EYS: variants seen among roughly 807,000 people sequenced by gnomAD.
EYS encodes EGF-like photoreceptor maintenance factor.
Under a neutral mutation model 282.1 loss-of-function variants are expected in EYS, and 250 were observed. The observed-to-expected ratio is 0.89, with a 90% CI of 0.80 to 0.98. The LOEUF is 0.98. EYS is among the 50% of genes least tolerant of loss of function. EYS has a pLI of 0.00. For missense variants in EYS, 4,016 were observed against 3,709.0 expected (o/e 1.08, Z -2.15); for synonymous variants, 1,355 against 1,282.9 (o/e 1.06, Z -1.20).
intron 22 of EYS, among the ~76,000 whole-genome samples, chr6:64,745,010 G>A (rs1437644306): frequency 6.6e-6 from 1 of 152,072 alleles, no homozygotes; most frequent in Non-Finnish European, 1.5e-5. Context: ...CTCATAAGCA[G>A]CATGAGGGGA....
chr6:64,692,261 T>C (rs1249937099), intron 22 of EYS, among the ~76,000 whole-genome samples: 1 of 152,200 alleles, frequency 6.6e-6, no homozygotes, highest in Non-Finnish European at 1.5e-5. Flanking sequence ...ATGCTAAGCA[T>C]TTTATCTTAT....
At chr6:65,521,262 G>A (rs1257602280) in intron 2 of EYS, among the ~76,000 whole-genome samples, 1 of 152,056 alleles carries the variant, frequency 6.6e-6, no homozygotes, top group Non-Finnish European at 1.5e-5. Context: ...TAAGTACAGA[G>A]GCTCTAGAGT....
intron 33 of EYS, among the ~76,000 whole-genome samples, chr6:64,039,719 T>A (rs1308046592): frequency 6.6e-6 from 1 of 152,206 alleles, no homozygotes; most frequent in Non-Finnish European, 1.5e-5. Context: ...TGTGTGGTTG[T>A]AGCTTGAGAG....
intron 35 of EYS, among the ~76,000 whole-genome samples, chr6:63,937,868 A>T (rs1765119882): frequency 2.6e-5 from 4 of 152,210 alleles, no homozygotes; most frequent in Admixed American, 2.6e-4. Context: ...TATATAAGTT[A>T]TACAGTCTAT....
intron 34 of EYS, among the ~76,000 whole-genome samples, chr6:63,995,282 C>T (rs1306130343): frequency 6.6e-6 from 1 of 151,906 alleles, no homozygotes; most frequent in African/African-American, 2.4e-5. Context: ...ATACAAATGG[C>T]CAACAGGTAT....
chr6:65,317,062 C>T (rs1323441527), intron 11 of EYS, among the ~76,000 whole-genome samples: 1 of 151,964 alleles, frequency 6.6e-6, no homozygotes, highest in Non-Finnish European at 1.5e-5. Context: ...TATGATTTCT[C>T]TTTATGTTTG....
In EYS at chr6:64,307,049, T is replaced by C. The variant is rs553772732; in HGVS notation, c.6112A>G (p.Ile2038Val). 1.9e-6 allele frequency: 3 copies of C among 1,541,474 alleles called. No homozygotes were observed. Among genetic ancestry groups the C allele is most frequent in the Non-Finnish European group, 2.6e-6 (3 of 1,138,534 alleles). The change falls in exon 30 of 43, where the codon ATA becomes GTA. Residue 2038 changes from isoleucine (I) to valine (V), a missense_variant. Transcript: ENST00000503581. The part of the protein sequence containing the change: ...PVPVKNFTGC[I>V]EVIEINNWRS... ...CAGTTATTTATTTCTATAACTTCTATGCAGCCAGTAAAATTCTTGACTGGT... is the reference window on the plus strand; with the variant it reads ...CAGTTATTTATTTCTATAACTTCTACGCAGCCAGTAAAATTCTTGACTGGT...
intron 12 of EYS, among the ~76,000 whole-genome samples, chr6:65,281,838 T>A (rs1411330736): frequency 6.6e-6 from 1 of 152,130 alleles, no homozygotes; most frequent in Non-Finnish European, 1.5e-5. Context: ...TAAATATGTC[T>A]CCTAGTTTTT....
At chr6:63,934,424 A>G (rs1446768109) in intron 35 of EYS, among the ~76,000 whole-genome samples, 2 of 152,070 alleles carry the variant, frequency 1.3e-5, no homozygotes, top group Non-Finnish European at 2.9e-5. Context: ...ATTATAAATC[A>G]TGCTGCTATA....
intron 40 of EYS, among the ~76,000 whole-genome samples, chr6:63,763,620 T>C (rs921667725): frequency 1.1e-4 from 17 of 151,800 alleles, no homozygotes; most frequent in African/African-American, 3.9e-4. Flanking sequence ...CCTTCTTCAA[T>C]GGGCGCTCAT....
intron 31 of EYS, among the ~76,000 whole-genome samples, chr6:64,139,302 G>A (rs1408899949): frequency 2.6e-5 from 4 of 152,052 alleles, no homozygotes; most frequent in Non-Finnish European, 5.9e-5. Context: ...GTGGTCATAG[G>A]GAGTGTATCC....
chr6:63,850,011 C>G lies in EYS; in HGVS notation c.7228+14175G>C, dbSNP rs529872402. Among the ~76,000 whole-genome samples, 6 of 152,160 alleles carry G rather than the reference C, an allele frequency of 3.9e-5. No homozygotes were observed. In the East Asian group the frequency reaches 5.8e-4, roughly 15 times the overall value. On this transcript the variant is annotated intron_variant, in intron 36 of 42. Transcript: ENST00000503581. Reference sequence around the variant, plus strand: ...TCTGATGGAGCTGAAAAACACAGCACAAGAACTTCATGAAGCATACACAAG... The same window carrying G: ...TCTGATGGAGCTGAAAAACACAGCAGAAGAACTTCATGAAGCATACACAAG...
chr6:64,555,447 T>G (rs567378090), intron 26 of EYS, among the ~76,000 whole-genome samples: 1 of 151,920 alleles, frequency 6.6e-6, no homozygotes, highest in East Asian at 1.9e-4. Flanking sequence ...ACAGCGACTA[T>G]AGTTAATGCA....
chr6:64,426,746 C>G (rs1052070077), intron 28 of EYS, among the ~76,000 whole-genome samples: 1 of 152,056 alleles, frequency 6.6e-6, no homozygotes, highest in Non-Finnish European at 1.5e-5. Context: ...TAAACCCTGT[C>G]CTTCAGATAT....
intron 26 of EYS, among the ~76,000 whole-genome samples, chr6:64,510,844 C>A (rs989832572): frequency 2.0e-5 from 3 of 152,008 alleles, no homozygotes; most frequent in Non-Finnish European, 4.4e-5. Flanking sequence ...ATGTTAGAAC[C>A]TGCACTGTTT....
chr6:65,134,335 A>G (rs529920994), intron 12 of EYS, among the ~76,000 whole-genome samples: 1 of 152,106 alleles, frequency 6.6e-6, no homozygotes, highest in Non-Finnish European at 1.5e-5. Context: ...GCAAGGACAT[A>G]GAATCAACCT....
intron 2 of EYS, among the ~76,000 whole-genome samples, chr6:65,592,331 A>T (rs569303549): frequency 6.6e-6 from 1 of 151,984 alleles, no homozygotes; most frequent in African/African-American, 2.4e-5. Flanking sequence ...TGAATTTTAT[A>T]TATGTTAGAT....
chr6:65,412,269 G>A (rs1767051826), intron 5 of EYS, among the ~76,000 whole-genome samples: 1 of 152,218 alleles, frequency 6.6e-6, no homozygotes, highest in East Asian at 1.9e-4. Context: ...ATTTGTTATA[G>A]TAGCCTAAAC....
chr6:64,203,735 C>G (rs1765540092), intron 31 of EYS, among the ~76,000 whole-genome samples: 1 of 151,946 alleles, frequency 6.6e-6, no homozygotes, highest in Non-Finnish European at 1.5e-5. Flanking sequence ...AGAACTATAC[C>G]AATAACAATA....
Sources: gnomAD v4.1 joint callset for allele counts (sites outside exome capture counted in the v4.1 genomes callset) on GRCh38, gnomAD v4.1.1 for gene constraint, MANE v1.5 for transcripts, NCBI Gene and HGNC (gene_info 2026-07-23, HGNC 2026-07-21) for gene names.